ANGPT1: variants seen among roughly 807,000 people sequenced by gnomAD.
ANGPT1 encodes the protein angiopoietin 1.
ANGPT1 carries 17 observed loss-of-function variants against 62.2 expected under a neutral mutation model. That is an observed-to-expected ratio of 0.27 (90% CI 0.19 to 0.41). The LOEUF (loss-of-function observed/expected upper bound fraction) is 0.41, where lower values mean the gene tolerates loss of function less well. Ranked by LOEUF, ANGPT1 falls within the 10% of genes least tolerant of loss-of-function variation. ANGPT1 has a pLI of 1.00. For missense variants in ANGPT1, 478 were observed against 594.9 expected (o/e 0.80, Z 2.04); for synonymous variants, 199 against 198.9 (o/e 1.00, Z 0.00).
intron 7 of ANGPT1, among the ~76,000 whole-genome samples, chr8:107,274,520 C>T (rs529013950): frequency 6.6e-5 from 10 of 152,048 alleles, no homozygotes; most frequent in African/African-American, 2.4e-4. Context: ...ATATCATTTG[C>T]AGTTAAAGAT....
chr8:107,361,879 T>G (rs1280389626), intron 1 of ANGPT1, among the ~76,000 whole-genome samples: 1 of 151,910 alleles, frequency 6.6e-6, no homozygotes, highest in African/African-American at 2.4e-5. Context: ...GCCAACATGG[T>G]GAAACCCTGT....
chr8:107,420,540 T>C (rs1458809150), intron 1 of ANGPT1, among the ~76,000 whole-genome samples: 2 of 152,202 alleles, frequency 1.3e-5, no homozygotes. Context: ...ATAAATTTGA[T>C]AGAACAAGTC....
chr8:107,470,120 T>A (rs915896620), intron 1 of ANGPT1, among the ~76,000 whole-genome samples: 4 of 152,024 alleles, frequency 2.6e-5, no homozygotes, highest in Non-Finnish European at 5.9e-5. Flanking sequence ...ACAGATCTGA[T>A]GTAATATTTT....
intron 5 of ANGPT1, among the ~76,000 whole-genome samples, chr8:107,299,687 GATAC>G (rs1443290439): frequency 7.6e-6 from 1 of 130,752 alleles, no homozygotes; most frequent in African/African-American, 2.8e-5. Context: ...AGTATATTTA[GATAC>G]ATACTATACT....
At chr8:107,444,755 C>T (rs970952225) in intron 1 of ANGPT1, among the ~76,000 whole-genome samples, 1 of 152,000 alleles carries the variant, frequency 6.6e-6, no homozygotes, top group African/African-American at 2.4e-5. Flanking sequence ...AAATCACTTA[C>T]CCTGACCAAG....
At chr8:107,478,365 A>G (rs1812590695) in intron 1 of ANGPT1, among the ~76,000 whole-genome samples, 1 of 151,922 alleles carries the variant, frequency 6.6e-6, no homozygotes. Context: ...CCTGGCTAAC[A>G]TGGGAAAACC....
rs554195682 is a variant in ANGPT1, at chr8:107,312,600, T to C, written c.809-9233A>G. On this transcript the variant is annotated intron_variant, in intron 4 of 8. Transcript: ENST00000517746. ...CTTGATTCTTACTCTTGTGGTGTGATATACTTAAAGAACAGTACTTGACTA... is the reference window on the plus strand; with the variant it reads ...CTTGATTCTTACTCTTGTGGTGTGACATACTTAAAGAACAGTACTTGACTA... Among the ~76,000 whole-genome samples, 5 of 152,330 alleles carry C rather than the reference T, an allele frequency of 3.3e-5. No individual in the cohort carries two copies. In the East Asian group the frequency reaches 9.6e-4, roughly 29 times the overall value.
At chr8:107,286,152 G>A (rs527477667) in intron 6 of ANGPT1, among the ~76,000 whole-genome samples, 41 of 152,188 alleles carry the variant, frequency 2.7e-4, no homozygotes, top group East Asian at 3.9e-4. Context: ...GGTCACTTGC[G>A]CACTACCTCC....
intron 1 of ANGPT1, among the ~76,000 whole-genome samples, chr8:107,466,001 G>A (rs1378098682): frequency 6.6e-6 from 1 of 152,196 alleles, no homozygotes; most frequent in Admixed American, 6.5e-5. Context: ...CCGTTCCACT[G>A]TCCTTCCATG....
intron 1 of ANGPT1, among the ~76,000 whole-genome samples, chr8:107,414,557 C>T (rs747273739): frequency 2.0e-5 from 3 of 152,078 alleles, no homozygotes; most frequent in Non-Finnish European, 2.9e-5. Flanking sequence ...CTATTTTCTT[C>T]TTACAAGGTA....
intron 1 of ANGPT1, among the ~76,000 whole-genome samples, chr8:107,458,330 C>A (rs1239733732): frequency 6.6e-6 from 1 of 152,090 alleles, no homozygotes; most frequent in Non-Finnish European, 1.5e-5. Context: ...AATAGAAAAT[C>A]TGCCTTGTAA....
intron 4 of ANGPT1, among the ~76,000 whole-genome samples, chr8:107,311,579 CTA>C (rs1322760577): frequency 2.0e-5 from 3 of 152,088 alleles, no homozygotes; most frequent in Admixed American, 1.3e-4. Flanking sequence ...GCAAAGCATC[CTA>C]TGTCATAAGT....
chr8:107,256,360 C>T (rs1813356432), intron 8 of ANGPT1, among the ~76,000 whole-genome samples: 1 of 152,184 alleles, frequency 6.6e-6, no homozygotes, highest in South Asian at 2.1e-4. Flanking sequence ...AACAGTTTGT[C>T]CACTTTCTAC....
At chr8:107,407,986 A>G (rs930234) in intron 1 of ANGPT1, among the ~76,000 whole-genome samples, 10,506 of 152,260 alleles carry the variant, frequency 0.069, 896 homozygotes, top group East Asian at 0.48. Context: ...TTATTCACAC[A>G]TATGGAGAAA....
chr8:107,276,172 TTC>T (rs1813861322), intron 7 of ANGPT1, among the ~76,000 whole-genome samples: 1 of 152,276 alleles, frequency 6.6e-6, no homozygotes, highest in East Asian at 1.9e-4. Flanking sequence ...TTAAAACAAC[TTC>T]TCTGTTTTAG....
intron 1 of ANGPT1, among the ~76,000 whole-genome samples, chr8:107,378,938 A>G (rs953692096): frequency 8.0e-5 from 12 of 150,348 alleles, no homozygotes; most frequent in African/African-American, 2.9e-4. Context: ...ACATACATAT[A>G]TATATATATA....
chr8:107,432,312 T>C lies in ANGPT1; in HGVS notation c.297+64950A>G, dbSNP rs370616716. On this transcript the variant is annotated intron_variant, in intron 1 of 8. Coordinates refer to ENST00000517746, the MANE Select transcript of ANGPT1 (RefSeq NM_001146.5). Reference sequence around the variant, plus strand: ...AGTCAGGTAAGACAATAGGATTTACTTTCCAGAGAATTTTCTGAGATATAG... The same window carrying C: ...AGTCAGGTAAGACAATAGGATTTACCTTCCAGAGAATTTTCTGAGATATAG... 4.6e-4 allele frequency among the ~76,000 whole-genome samples: 70 copies of C among 152,334 alleles called. No homozygotes were observed. In the Middle Eastern group the frequency reaches 0.01, roughly 22 times the overall value.
At chr8:107,423,301 C>T (rs975466231) in intron 1 of ANGPT1, among the ~76,000 whole-genome samples, 5 of 152,154 alleles carry the variant, frequency 3.3e-5, no homozygotes, top group Admixed American at 2.0e-4. Context: ...GAAGTGTGCC[C>T]GCATGGTTGC....
chr8:107,482,089 G>T (rs1397134533), intron 1 of ANGPT1, among the ~76,000 whole-genome samples: 1 of 152,204 alleles, frequency 6.6e-6, no homozygotes, highest in Non-Finnish European at 1.5e-5. Flanking sequence ...GCTTATATGA[G>T]TGAGTTGAAC....
Sources: allele counts gnomAD v4.1 joint callset (sites outside exome capture counted in the v4.1 genomes callset), GRCh38; gene constraint gnomAD v4.1.1; transcripts MANE v1.5; gene names NCBI Gene and HGNC (gene_info 2026-07-23, HGNC 2026-07-21).